B3GALT1: variants seen among roughly 807,000 people sequenced by gnomAD.
B3GALT1 encodes UDP-Gal:betaGlcNAc beta 1,3-galactosyltransferase, polypeptide 1.
B3GALT1 carries 10 observed loss-of-function variants against 23.2 expected under a neutral mutation model. The observed-to-expected ratio is 0.43, with a 90% confidence interval of 0.27 to 0.73. The LOEUF is 0.73. Among genes scored for constraint, B3GALT1 ranks in the 30% least tolerant of loss-of-function variants. The pLI, the probability that B3GALT1 is intolerant of heterozygous loss-of-function variation, is 0.21. For synonymous variants in B3GALT1, 156 were observed against 141.5 expected (o/e 1.10, Z -0.73); for missense variants, 299 against 405.4 (o/e 0.74, Z 2.25).
At chr2:167,727,382 A>C (rs1687334559) in intron 3 of B3GALT1, among the ~76,000 whole-genome samples, 1 of 152,186 alleles carries the variant, frequency 6.6e-6, no homozygotes, top group Admixed American at 6.5e-5. Flanking sequence ...TAAAGACCTG[A>C]ATTTAATCAC....
intron 1 of B3GALT1, among the ~76,000 whole-genome samples, chr2:167,359,981 A>G (rs1301478292): frequency 4.6e-5 from 7 of 152,184 alleles, no homozygotes; most frequent in Admixed American, 4.6e-4. Context: ...TCAAATTTTT[A>G]TGATAGATTC....
chr2:167,496,727 G>A (rs906395004), intron 2 of B3GALT1, among the ~76,000 whole-genome samples: 2 of 152,138 alleles, frequency 1.3e-5, no homozygotes, highest in African/African-American at 4.8e-5. Flanking sequence ...AAGCCTTTGG[G>A]AGGTAATGAA....
chr2:167,553,433 A>T (rs1443677069), intron 2 of B3GALT1, among the ~76,000 whole-genome samples: 1 of 152,168 alleles, frequency 6.6e-6, no homozygotes, highest in Admixed American at 6.5e-5. Context: ...GGCTACCCAA[A>T]GACAGCACAG....
At chr2:167,613,352 A>G (rs1685103582) in intron 2 of B3GALT1, among the ~76,000 whole-genome samples, 1 of 151,868 alleles carries the variant, frequency 6.6e-6, no homozygotes, top group South Asian at 2.1e-4. Flanking sequence ...AGGCTAGGAC[A>G]TGAAATTGTA....
In B3GALT1 at chr2:167,472,116, T is replaced by G. The variant is rs930075641; in HGVS notation, c.-510-18061T>G. Among the ~76,000 whole-genome samples the G allele has an allele frequency of 3.3e-5, 5 of 152,320 alleles. No individual in the cohort carries two copies. The East Asian group carries it at 7.7e-4, about 24-fold the overall frequency. On this transcript the variant is annotated intron_variant, in intron 1 of 4. Coordinates refer to ENST00000392690, the MANE Select transcript of B3GALT1 (RefSeq NM_020981.4). ...TCAGTGTGTTCATCCTAAATATAATTAGTACATGTTTGGCTCTTCAGGAAT... is the reference window on the plus strand; with the variant it reads ...TCAGTGTGTTCATCCTAAATATAATGAGTACATGTTTGGCTCTTCAGGAAT...
At chr2:167,533,405 A>G (rs1232720636) in intron 2 of B3GALT1, among the ~76,000 whole-genome samples, 1 of 151,994 alleles carries the variant, frequency 6.6e-6, no homozygotes, top group Admixed American at 6.5e-5. Flanking sequence ...TAATAGTGTG[A>G]CTTTTCTTTC....
At chr2:167,642,902 C>A (rs565197694) in intron 2 of B3GALT1, among the ~76,000 whole-genome samples, 1 of 152,116 alleles carries the variant, frequency 6.6e-6, no homozygotes, top group East Asian at 1.9e-4. Context: ...GTGAATGAAT[C>A]CTATTAATGT....
At chr2:167,636,993 TA>T (rs912795234) in intron 2 of B3GALT1, among the ~76,000 whole-genome samples, 22 of 150,800 alleles carry the variant, frequency 1.5e-4, no homozygotes, top group East Asian at 3.9e-4. Context: ...ATAATAATAA[TA>T]AAAAAAAATA....
At chr2:167,408,778 C>G (rs553099855) in intron 1 of B3GALT1, among the ~76,000 whole-genome samples, 59 of 115,754 alleles carry the variant, frequency 5.1e-4, no homozygotes, top group African/African-American at 2.0e-3. Context: ...CCAATCTAAC[C>G]AAAGAAGTGA....
At chr2:167,655,740 A>G (rs1408691444) in intron 3 of B3GALT1, among the ~76,000 whole-genome samples, 2 of 152,182 alleles carry the variant, frequency 1.3e-5, no homozygotes, top group Non-Finnish European at 2.9e-5. Context: ...TGTGAAAACT[A>G]CACATTTTAT....
At chr2:167,851,888 T>C (rs1352113919) in intron 4 of B3GALT1, among the ~76,000 whole-genome samples, 5 of 152,208 alleles carry the variant, frequency 3.3e-5, no homozygotes, top group Non-Finnish European at 5.9e-5. Flanking sequence ...CTGTTGTGCA[T>C]CATGCCTTGA....
rs149617401 is a variant in B3GALT1 at position 167,630,885 on chromosome 2, C to T, written c.-409-16024C>T. 3.4e-4 allele frequency among the ~76,000 whole-genome samples: 52 copies of T among 151,680 alleles called. 2 individuals are homozygous for T. The highest frequency in any genetic ancestry group is 5.5e-4 in the Non-Finnish European group (37 of 67,808). On this transcript the variant is annotated intron_variant, in intron 2 of 4. Transcript: ENST00000392690. The stretch of plus-strand genomic sequence containing the variant: ...GTGTACAGAATAGTCCCATTGTGTA[C>T]AACTTTCTTGCTCCTTATTTCTCTC...
chr2:167,641,275 C>T (rs778169559), intron 2 of B3GALT1, among the ~76,000 whole-genome samples: 5 of 152,136 alleles, frequency 3.3e-5, no homozygotes, highest in Non-Finnish European at 7.3e-5. Context: ...GATATCTGTA[C>T]TTTCTCACTT....
intron 2 of B3GALT1, among the ~76,000 whole-genome samples, chr2:167,492,049 G>A (rs142334980): frequency 1.3e-5 from 2 of 152,142 alleles, no homozygotes; most frequent in African/African-American, 2.4e-5. Flanking sequence ...GGGTTTTGAC[G>A]CACATATAAT....
At chr2:167,574,093 A>C (rs568892940) in intron 2 of B3GALT1, among the ~76,000 whole-genome samples, 1 of 151,674 alleles carries the variant, frequency 6.6e-6, no homozygotes, top group Non-Finnish European at 1.5e-5. Context: ...GAACTTTACT[A>C]TCCATCAATC....
chr2:167,488,335 A>G (rs1234641304), intron 1 of B3GALT1, among the ~76,000 whole-genome samples: 2 of 152,114 alleles, frequency 1.3e-5, no homozygotes, highest in Non-Finnish European at 2.9e-5. Flanking sequence ...TGTCTACTTT[A>G]ATTGTCTGTT....
At chr2:167,594,742 G>A (rs1347553199) in intron 2 of B3GALT1, among the ~76,000 whole-genome samples, 3 of 151,988 alleles carry the variant, frequency 2.0e-5, no homozygotes, top group East Asian at 3.9e-4. Context: ...GTGAAACCCC[G>A]TCTCTATTAA....
intron 4 of B3GALT1, among the ~76,000 whole-genome samples, chr2:167,824,160 TAAAAG>T (rs1159945493): frequency 6.6e-6 from 1 of 152,088 alleles, no homozygotes; most frequent in African/African-American, 2.4e-5. Flanking sequence ...TTTCAGGAAT[TAAAAG>T]AAAAAGCTAG....
intron 2 of B3GALT1, among the ~76,000 whole-genome samples, chr2:167,555,752 T>G (rs1320485100): frequency 2.6e-5 from 4 of 152,170 alleles, no homozygotes; most frequent in African/African-American, 9.6e-5. Context: ...TACAGTGTGG[T>G]ACCATGAAGG....
Sources: allele counts gnomAD v4.1 joint callset (sites outside exome capture counted in the v4.1 genomes callset), GRCh38; gene constraint gnomAD v4.1.1; transcripts MANE v1.5; gene names NCBI Gene and HGNC (gene_info 2026-07-23, HGNC 2026-07-21).